SUGCT: variants seen among roughly 807,000 people sequenced by gnomAD.
The protein encoded by SUGCT is succinyl-CoA:glutarate CoA-transferase.
A neutral mutation model predicts 55.0 loss-of-function variants in SUGCT; 41 were observed. The ratio of observed to expected loss-of-function variants is 0.74; its 90% confidence interval spans 0.58 to 0.97. The LOEUF is 0.97. SUGCT is among the 50% of genes least tolerant of loss of function. The pLI is 0.00. For synonymous variants in SUGCT, 187 were observed against 200.4 expected (o/e 0.93, Z 0.56); for missense variants, 568 against 547.8 (o/e 1.04, Z -0.37).
At chr7:41,036,262 G>T in the SUGCT span, among the ~76,000 whole-genome samples, 1 of 152,190 alleles carries the variant, frequency 6.6e-6, no homozygotes, top group African/African-American at 2.4e-5. Context: ...CACCAGGAAA[G>T]TGTTTCAATT....
chr7:40,465,283 G>A (rs566858418), intron 11 of SUGCT, among the ~76,000 whole-genome samples: 11 of 152,254 alleles, frequency 7.2e-5, no homozygotes, highest in African/African-American at 2.4e-4. Context: ...TGCCAAACAA[G>A]TATTTGTTGA....
At chr7:40,245,445 T>A (rs1222943648) in intron 7 of SUGCT, among the ~76,000 whole-genome samples, 8 of 74,452 alleles carry the variant, frequency 1.1e-4, no homozygotes, top group African/African-American at 1.7e-4. Flanking sequence ...TTTTTTTTTT[T>A]TTTTTTTTTT....
At chr7:40,356,096 T>C (rs1269658167) in intron 9 of SUGCT, among the ~76,000 whole-genome samples, 1 of 152,264 alleles carries the variant, frequency 6.6e-6, no homozygotes, top group Non-Finnish European at 1.5e-5. Flanking sequence ...AACACTGTTG[T>C]AGCTTGAGTT....
the SUGCT span, among the ~76,000 whole-genome samples, chr7:40,905,716 C>A: frequency 2.8e-5 from 4 of 141,756 alleles, no homozygotes; most frequent in Admixed American, 7.1e-5. Flanking sequence ...TTTTTTTTTT[C>A]TTTTTTTTTT....
At chr7:40,296,946 A>C (rs1414492039) in intron 8 of SUGCT, among the ~76,000 whole-genome samples, 1 of 152,182 alleles carries the variant, frequency 6.6e-6, no homozygotes, top group Non-Finnish European at 1.5e-5. Context: ...GCAAGTCATG[A>C]AATGCTCTAT....
intron 1 of SUGCT, among the ~76,000 whole-genome samples, chr7:40,173,329 G>A (rs1488070013): frequency 6.6e-6 from 1 of 152,248 alleles, no homozygotes; most frequent in Non-Finnish European, 1.5e-5. Flanking sequence ...CACCCTGCCA[G>A]ATCCGGAGGG....
Position 40,439,092 on chromosome 7 carries a change from A to G in SUGCT, c.817-10195A>G, listed in dbSNP as rs555497193. Among the ~76,000 whole-genome samples the G allele has an allele frequency of 5.7e-4, 71 of 125,424 alleles. 5 individuals carry two copies. Among genetic ancestry groups the G allele is most frequent in the East Asian group, 4.1e-3 (17 of 4,130 alleles). 82.3% of individuals were successfully genotyped at this position (125,424 alleles called of 152,430 possible). ...TATATATATATATATATATATATAT[A>G]TATATATATATATATATATGGATAG... On this transcript the variant is annotated intron_variant, in intron 9 of 13. Coordinates refer to ENST00000335693, the MANE Select transcript of SUGCT (RefSeq NM_001193313.2).
rs564192953 is a variant in SUGCT at position 40,774,656 on chromosome 7, T to C, written c.1153+25159T>C. ...GTTGTTGATACTTGTCTACAGATTATAAAGCCTTGCAAAGACTTACAGATT... is the reference window on the plus strand; with the variant it reads ...GTTGTTGATACTTGTCTACAGATTACAAAGCCTTGCAAAGACTTACAGATT... On this transcript the variant is annotated intron_variant, in intron 13 of 13. Coordinates refer to ENST00000335693, the MANE Select transcript of SUGCT (RefSeq NM_001193313.2). Among the ~76,000 whole-genome samples, 455 of 152,264 alleles carry C rather than the reference T, an allele frequency of 3.0e-3. 1 individual carries two copies. Among genetic ancestry groups the C allele is most frequent in the African/African-American group, 0.01 (435 of 41,570 alleles).
the SUGCT span, among the ~76,000 whole-genome samples, chr7:40,959,991 C>T: frequency 6.6e-6 from 1 of 152,168 alleles, no homozygotes; most frequent in Non-Finnish European, 1.5e-5. Context: ...TGCTCACCCT[C>T]TATGGGCTGC....
At chr7:40,799,385 A>G (rs1279367953) in intron 13 of SUGCT, among the ~76,000 whole-genome samples, 1 of 152,234 alleles carries the variant, frequency 6.6e-6, no homozygotes, top group East Asian at 1.9e-4. Flanking sequence ...AAGAAAGCAT[A>G]TAAAAATATC....
chr7:40,607,572 A>G (rs1409640210), intron 12 of SUGCT, among the ~76,000 whole-genome samples: 4 of 152,216 alleles, frequency 2.6e-5, no homozygotes, highest in Non-Finnish European at 5.9e-5. Flanking sequence ...TCAAGCTTTT[A>G]GCCACAGAGC....
At chr7:40,882,628 T>C in the SUGCT span, among the ~76,000 whole-genome samples, 1 of 152,318 alleles carries the variant, frequency 6.6e-6, no homozygotes, top group African/African-American at 2.4e-5. Flanking sequence ...TGCTACCCAT[T>C]GAATTCAGGT....
chr7:40,364,345 G>C (rs1236291136), intron 9 of SUGCT, among the ~76,000 whole-genome samples: 1 of 151,740 alleles, frequency 6.6e-6, no homozygotes, highest in Non-Finnish European at 1.5e-5. Context: ...GTGTGAATTT[G>C]ATCCTGTCAT....
chr7:40,702,605 T>A (rs1376010117), intron 12 of SUGCT, among the ~76,000 whole-genome samples: 1 of 152,220 alleles, frequency 6.6e-6, no homozygotes, highest in Non-Finnish European at 1.5e-5. Flanking sequence ...TTGAGTCCAC[T>A]TCACTTTAAG....
At chr7:40,503,918 T>G (rs1792441902) in intron 12 of SUGCT, among the ~76,000 whole-genome samples, 1 of 152,122 alleles carries the variant, frequency 6.6e-6, no homozygotes, top group Non-Finnish European at 1.5e-5. Context: ...TGTTGTAACA[T>G]AAATATCTTA....
chr7:40,807,442 T>A (rs1791162712), intron 13 of SUGCT, among the ~76,000 whole-genome samples: 1 of 151,758 alleles, frequency 6.6e-6, no homozygotes, highest in Admixed American at 6.6e-5. Flanking sequence ...GCCCGTAGAG[T>A]CTGGAGGCAA....
intron 1 of SUGCT, among the ~76,000 whole-genome samples, chr7:40,157,489 C>T (rs988897830): frequency 6.6e-6 from 1 of 152,018 alleles, no homozygotes; most frequent in African/African-American, 2.4e-5. Flanking sequence ...GATCTCTGCT[C>T]CAGAAACTTT....
chr7:40,803,146 T>G (rs1293932641), intron 13 of SUGCT, among the ~76,000 whole-genome samples: 1 of 152,228 alleles, frequency 6.6e-6, no homozygotes, highest in East Asian at 1.9e-4. Context: ...CTATTATACT[T>G]CATTCCTTTT....
chr7:40,902,796 C>G, the SUGCT span, among the ~76,000 whole-genome samples: 10,771 of 152,096 alleles, frequency 0.071, 475 homozygotes, highest in African/African-American at 0.13. Context: ...GAAAAGTATT[C>G]CTGCATCCAG....
Sources: gnomAD v4.1 joint callset for allele counts (sites outside exome capture counted in the v4.1 genomes callset) on GRCh38, gnomAD v4.1.1 for gene constraint, MANE v1.5 for transcripts, NCBI Gene and HGNC (gene_info 2026-07-23, HGNC 2026-07-21) for gene names.